Variants in MAP2K1 observed in about 807,000 individuals in gnomAD.
MAP2K1 encodes mitogen-activated protein kinase kinase 1.
Under a neutral mutation model 46.3 loss-of-function variants are expected in MAP2K1, and 16 were observed. The observed-to-expected ratio is 0.35, with a 90% CI of 0.23 to 0.52. MAP2K1 has a LOEUF of 0.52. MAP2K1 is among the 20% of genes least tolerant of loss of function. The pLI, the probability that MAP2K1 is intolerant of heterozygous loss-of-function variation, is 0.94. For missense variants in MAP2K1, 263 were observed against 497.1 expected (o/e 0.53, Z 4.48); for synonymous variants, 183 against 185.6 (o/e 0.99, Z 0.11).
At chr15:66,442,956 A>G (rs2093508473) in intron 3 of MAP2K1, among the ~76,000 whole-genome samples, 1 of 152,142 alleles carries the variant, frequency 6.6e-6, no homozygotes, top group African/African-American at 2.4e-5. Context: ...CACATAGGAC[A>G]AGGTATGGGA....
chr15:66,393,273 G>A (rs2093360902), intron 1 of MAP2K1, among the ~76,000 whole-genome samples: 1 of 151,880 alleles, frequency 6.6e-6, no homozygotes, highest in African/African-American at 2.4e-5. Context: ...TCCCCACAAG[G>A]TTCAAGCAAT....
At chr15:66,390,199 T>C (rs1420574676) in intron 1 of MAP2K1, among the ~76,000 whole-genome samples, 1 of 152,202 alleles carries the variant, frequency 6.6e-6, no homozygotes, top group East Asian at 1.9e-4. Flanking sequence ...GAGGCATCTT[T>C]GTGTAGGCTG....
At chr15:66,418,410 G>A (rs919561382) in intron 1 of MAP2K1, among the ~76,000 whole-genome samples, 3 of 152,058 alleles carry the variant, frequency 2.0e-5, no homozygotes, top group South Asian at 2.1e-4. Flanking sequence ...ACCAGCATGG[G>A]CCATTATTAT....
intron 5 of MAP2K1, among the ~76,000 whole-genome samples, chr15:66,474,563 G>A (rs995582891): frequency 2.0e-5 from 3 of 152,146 alleles, no homozygotes; most frequent in Admixed American, 2.0e-4. Flanking sequence ...AGCTCAATAA[G>A]GGCTCTTGTG....
intron 5 of MAP2K1, among the ~76,000 whole-genome samples, chr15:66,472,745 T>A (rs1251172219): frequency 6.6e-6 from 1 of 152,270 alleles, no homozygotes; most frequent in Non-Finnish European, 1.5e-5. Context: ...TAGGAATAAC[T>A]GGTGAGTAGT....
Position 66,482,640 on chromosome 15 carries a change from G to C in MAP2K1, c.693+761G>C, listed in dbSNP as rs560293326. On this transcript the variant is annotated intron_variant, in intron 6 of 10. Transcript: ENST00000307102. ...TCCTCCATACCACCGGTTCCTTGGGGACAGGGACAAGGTGTCTCTCTTGTC... is the reference window on the plus strand; with the variant it reads ...TCCTCCATACCACCGGTTCCTTGGGCACAGGGACAAGGTGTCTCTCTTGTC... Among the ~76,000 whole-genome samples the C allele has an allele frequency of 2.6e-5, 4 of 152,316 alleles. No homozygotes were observed. In the East Asian group the frequency reaches 7.7e-4, roughly 29 times the overall value.
chr15:66,406,969 C>G (rs182129335), intron 1 of MAP2K1, among the ~76,000 whole-genome samples: 1 of 152,062 alleles, frequency 6.6e-6, no homozygotes, highest in South Asian at 2.1e-4. Flanking sequence ...GCAGTCCAGC[C>G]TAGGCAACAA....
At chr15:66,481,343 T>C (rs1284918556) in intron 5 of MAP2K1, among the ~76,000 whole-genome samples, 1 of 152,130 alleles carries the variant, frequency 6.6e-6, no homozygotes, top group Non-Finnish European at 1.5e-5. Context: ...AGCAAGCAGA[T>C]AGGTCTTATT....
At chr15:66,440,656 A>G (rs1287931726) in intron 3 of MAP2K1, among the ~76,000 whole-genome samples, 1 of 152,260 alleles carries the variant, frequency 6.6e-6, no homozygotes, top group Non-Finnish European at 1.5e-5. Flanking sequence ...TTGTGCAGGA[A>G]TAAAAGCTTT....
rs190710407 is a variant in MAP2K1 at position 66,411,291 on chromosome 15, G to T, written c.81-23736G>T. 9.5e-3 allele frequency among the ~76,000 whole-genome samples: 1,448 copies of T among 152,204 alleles called. 8 individuals are homozygous for T. Among genetic ancestry groups the T allele is most frequent in the Middle Eastern group, 0.031 (9 of 294 alleles). On this transcript the variant is annotated intron_variant, in intron 1 of 10. Coordinates refer to ENST00000307102, the MANE Select transcript of MAP2K1 (RefSeq NM_002755.4). ...ATTAGGTTGTAAATGACTATGGTAG[G>T]TACAGATGTCATGAATATACTAGGG...
intron 1 of MAP2K1, among the ~76,000 whole-genome samples, chr15:66,421,125 CATATAT>C (rs750242189): frequency 6.0e-5 from 4 of 66,504 alleles, no homozygotes; most frequent in Non-Finnish European, 1.2e-4. Flanking sequence ...CACACACACA[CATATAT>C]ATATATATAA....
rs369611922 is a variant in MAP2K1, at chr15:66,457,911, C to T, written c.568+13204C>T. 1.4e-4 allele frequency among the ~76,000 whole-genome samples: 21 copies of T among 150,434 alleles called. 1 individual carries two copies. In the South Asian group the frequency reaches 4.4e-3, roughly 32 times the overall value. On this transcript the variant is annotated intron_variant, in intron 5 of 10. Transcript: ENST00000307102. ...CCAGGAGGCAGAGGTTTCAGTGAGC[C>T]GAGATCGTGTCACTGCACTCCAGCC...
At chr15:66,387,484 G>GAGC (rs1029051572) in intron 1 of MAP2K1, 57 bp downstream of exon 1, 1 of 1,504,220 alleles carries the variant, frequency 6.6e-7, no homozygotes, top group African/African-American at 1.4e-5. Context: ...CCGAGCCGGG[G>GAGC]AGCAGGAGCG....
intron 5 of MAP2K1, among the ~76,000 whole-genome samples, chr15:66,460,601 C>T (rs972444098): frequency 6.6e-6 from 1 of 152,100 alleles, no homozygotes; most frequent in Admixed American, 6.5e-5. Flanking sequence ...CTGCCATGTT[C>T]AGGAAGTGGA....
chr15:66,476,071 A>T (rs1192117366), intron 5 of MAP2K1, among the ~76,000 whole-genome samples: 1 of 151,886 alleles, frequency 6.6e-6, no homozygotes, highest in Non-Finnish European at 1.5e-5. Context: ...TTTTCATAAA[A>T]CCTCCTTGTT....
intron 5 of MAP2K1, among the ~76,000 whole-genome samples, chr15:66,458,802 G>C (rs921401392): frequency 6.6e-6 from 1 of 152,156 alleles, no homozygotes; most frequent in Admixed American, 6.5e-5. Flanking sequence ...CTACTGGTGT[G>C]ATCCACTGTG....
At chr15:66,485,248 T>C in intron 7 of MAP2K1, 57 bp downstream of exon 7, 2 of 1,514,034 alleles carry the variant, frequency 1.3e-6, no homozygotes, top group Non-Finnish European at 1.8e-6. Context: ...TCCCTTACTT[T>C]CAGGGGTTTC....
intron 5 of MAP2K1, among the ~76,000 whole-genome samples, chr15:66,477,426 GC>G (rs1295593952): frequency 1.3e-5 from 2 of 152,218 alleles, no homozygotes; most frequent in African/African-American, 4.8e-5. Flanking sequence ...TTGGAGGGCA[GC>G]CTGTGAAGCA....
At chr15:66,414,252 A>G (rs1248011678) in intron 1 of MAP2K1, among the ~76,000 whole-genome samples, 1 of 132,600 alleles carries the variant, frequency 7.5e-6, no homozygotes, top group East Asian at 2.1e-4. Flanking sequence ...ACTGCCCTTC[A>G]TAAGACTGTT....
Sources: gnomAD v4.1 joint callset for allele counts (sites outside exome capture counted in the v4.1 genomes callset) on GRCh38, gnomAD v4.1.1 for gene constraint, MANE v1.5 for transcripts, NCBI Gene and HGNC (gene_info 2026-07-23, HGNC 2026-07-21) for gene names.